KDM5B: variants seen among roughly 807,000 people sequenced by gnomAD.
KDM5B encodes the protein lysine demethylase 5B, also known as lysine-specific demethylase 5B.
Under a neutral mutation model 193.4 loss-of-function variants are expected in KDM5B, and 144 were observed. That is an observed-to-expected ratio of 0.74 (90% confidence interval 0.65 to 0.86). The LOEUF is 0.86. Among genes scored for constraint, KDM5B ranks in the 40% least tolerant of loss-of-function variants. KDM5B has a pLI of 0.00. For missense variants in KDM5B, 1,833 were observed against 1,886.9 expected (o/e 0.97, Z 0.53); for synonymous variants, 668 against 682.6 (o/e 0.98, Z 0.33).
intron 23 of KDM5B, 58 bp downstream of exon 23, chr1:202,733,343 G>A: frequency 1.3e-6 from 2 of 1,559,986 alleles, no homozygotes; most frequent in Non-Finnish European, 1.7e-6. Context: ...ACAGGTTCGA[G>A]AGAAAGGTAC....
chr1:202,778,574 A>G (rs1199290317), intron 1 of KDM5B, among the ~76,000 whole-genome samples: 1 of 152,182 alleles, frequency 6.6e-6, no homozygotes, highest in African/African-American at 2.4e-5. Context: ...AAAAAAGCAA[A>G]AAAGGAAAAA....
At chr1:202,748,921 C>A in intron 14 of KDM5B, 24 bp downstream of exon 14, 1 of 1,569,942 alleles carries the variant, frequency 6.4e-7, no homozygotes, top group Non-Finnish European at 8.7e-7. Flanking sequence ...TGACAACATG[C>A]AGTTGGATTT....
chr1:202,783,037 G>C (rs1657260829), intron 1 of KDM5B, among the ~76,000 whole-genome samples: 1 of 152,158 alleles, frequency 6.6e-6, no homozygotes, highest in South Asian at 2.1e-4. Context: ...CCTGATGTCA[G>C]GAGTTTGAAT....
At chr1:202,767,416 A>C in intron 4 of KDM5B, 1 of 1,392,774 alleles carries the variant, frequency 7.2e-7, no homozygotes, top group Non-Finnish European at 1.0e-6. Flanking sequence ...GCTCTAGCCC[A>C]ACATAGCGCT....
intron 11 of KDM5B, 119 bp downstream of exon 11, chr1:202,755,152 C>T: frequency 1.4e-6 from 1 of 702,462 alleles, no homozygotes; most frequent in South Asian, 2.2e-5. Flanking sequence ...AGTGAAAAAC[C>T]TTAGGGAAAA....
chr1:202,783,741 C>A (rs1367663699), intron 1 of KDM5B, among the ~76,000 whole-genome samples: 1 of 151,928 alleles, frequency 6.6e-6, no homozygotes, highest in African/African-American at 2.4e-5. Context: ...ATTAGCCAGG[C>A]GTGGTGGCGG....
chr1:202,749,313 A>G (rs1156279481), intron 13 of KDM5B, among the ~76,000 whole-genome samples, 174 bp from the exon 14 acceptor site: 1 of 152,166 alleles, frequency 6.6e-6, no homozygotes, highest in Admixed American at 6.6e-5. Context: ...CTGTAATTCC[A>G]ACACTTTGGG....
chr1:202,794,642 T>C (rs1459514645), intron 1 of KDM5B, among the ~76,000 whole-genome samples: 1 of 152,148 alleles, frequency 6.6e-6, no homozygotes, highest in African/African-American at 2.4e-5. Context: ...TTGGGGAGTG[T>C]CTTAATACAT....
At chr1:202,747,768 A>T (rs1033658881) in intron 14 of KDM5B, among the ~76,000 whole-genome samples, 5 of 152,164 alleles carry the variant, frequency 3.3e-5, no homozygotes, top group African/African-American at 1.2e-4. Flanking sequence ...AATAGTGCCA[A>T]AAAACATGCA....
At position 202,755,275 on chromosome 1, in the gene KDM5B, G is replaced by A; in HGVS notation, c.1534C>T (p.His512Tyr). ...DHWSYSINYL[H>Y]WGEPKTWYGV... ...GTTCTTTTTGGAACTTCTCACCAGT[G>A]CAAGTAGTTAATTGAATAGCTCCAG... The change falls in exon 11 of 27, where the codon CAC becomes TAC. Residue 512 changes from histidine (H) to tyrosine (Y), a missense_variant. By Grantham distance (83) the His-to-Tyr change is moderately conservative. This residue lies in a region of KDM5B where 1,379 missense variants were observed against 1,349.6 expected (regional missense o/e 1.02). Coordinates refer to ENST00000367265, the MANE Select transcript of KDM5B (RefSeq NM_006618.5). The A allele has an allele frequency of 6.2e-7, 1 of 1,613,532 alleles. No individual in the cohort carries two copies. The highest frequency in any genetic ancestry group is 8.5e-7 in the Non-Finnish European group (1 of 1,179,474).
At chr1:202,755,171 C>T in intron 11 of KDM5B, 100 bp downstream of exon 11, 1 of 849,994 alleles carries the variant, frequency 1.2e-6, no homozygotes, top group Non-Finnish European at 1.9e-6. Flanking sequence ...AAAAGTAGTT[C>T]AATGCTCTTC....
chr1:202,789,363 A>G (rs2102326906), intron 1 of KDM5B, among the ~76,000 whole-genome samples: 1 of 151,758 alleles, frequency 6.6e-6, no homozygotes, highest in Admixed American at 6.6e-5. Flanking sequence ...TCTACTGAAA[A>G]TACAAAAACT....
chr1:202,742,724 A>G lies in KDM5B; in HGVS notation c.2405T>C (p.Leu802Pro). 6.2e-7 allele frequency: 1 copy of G among 1,614,194 alleles called. No individual in the cohort carries two copies. Among genetic ancestry groups the G allele is most frequent in the Non-Finnish European group, 8.5e-7 (1 of 1,179,992 alleles). ...PDNDLLRHLR[L>P]VTQDAEKCAS... Reference sequence around the variant, plus strand: ...ACACTTCTCTGCATCCTGTGTGACTAGGCGAAGGTGTCGCAAAAGATCATT... The same window carrying G: ...ACACTTCTCTGCATCCTGTGTGACTGGGCGAAGGTGTCGCAAAAGATCATT... Residue 802 changes from leucine (L) to proline (P), a missense_variant, in exon 17 of 27, where the codon CTA becomes CCA. Coordinates refer to ENST00000367265, the MANE Select transcript of KDM5B (RefSeq NM_006618.5).
At chr1:202,797,219 C>T (rs1657886539) in intron 1 of KDM5B, 1 of 152,120 alleles carries the variant, frequency 6.6e-6, no homozygotes, top group African/African-American at 2.4e-5. Context: ...GTGCAACAGC[C>T]CCAGGGGTCC....
chr1:202,771,018 A>G (rs1387656958), intron 4 of KDM5B, among the ~76,000 whole-genome samples: 1 of 152,178 alleles, frequency 6.6e-6, no homozygotes, highest in East Asian at 1.9e-4. Context: ...CTTTTTAAGT[A>G]TATAAGTGAC....
At position 202,741,603 on chromosome 1, in the gene KDM5B, T is replaced by C; in HGVS notation, c.2709A>G (p.Glu903=). Reference sequence around the variant, plus strand: ...TACGCATCTCAGCAAGCTGTGGAAGTTCAACATCAAATTCAAAGCTGACAT... The same window carrying C: ...TACGCATCTCAGCAAGCTGTGGAAGCTCAACATCAAATTCAAAGCTGACAT... ...LLDVSFEFDV[E]LPQLAEMRIR... Residue 903 remains glutamate (E), a synonymous_variant, in exon 19 of 27, where the codon GAA becomes GAG. Coordinates refer to ENST00000367265, the MANE Select transcript of KDM5B (RefSeq NM_006618.5). 1 of 1,614,218 alleles carries C rather than the reference T, an allele frequency of 6.2e-7. No homozygotes were observed. The highest frequency in any genetic ancestry group is 8.5e-7 in the Non-Finnish European group (1 of 1,180,038).
At chr1:202,754,073 T>C (rs1456342986) in intron 11 of KDM5B, among the ~76,000 whole-genome samples, 2 of 152,250 alleles carry the variant, frequency 1.3e-5, no homozygotes, top group Non-Finnish European at 2.9e-5. Context: ...CATTTTTCTT[T>C]TCCCTTGCCC....
chr1:202,735,424 C>T lies in KDM5B; in HGVS notation c.3423+5G>A. The T allele has an allele frequency of 1.2e-6, 2 of 1,610,976 alleles. No individual in the cohort carries two copies. Among genetic ancestry groups the T allele is most frequent in the Non-Finnish European group, 1.7e-6 (2 of 1,178,910 alleles). On this transcript the variant is annotated splice_donor_5th_base_variant and intron_variant, in intron 22 of 26. Coordinates refer to ENST00000367265, the MANE Select transcript of KDM5B (RefSeq NM_006618.5). ...TAGAAAGGAGAAGAAAAAAACCCTACATACAGCTGAAGCAGTCTCCTTGCT... is the reference window on the plus strand; with the variant it reads ...TAGAAAGGAGAAGAAAAAAACCCTATATACAGCTGAAGCAGTCTCCTTGCT...
intron 21 of KDM5B, 122 bp from the exon 22 acceptor site, chr1:202,735,709 T>C (rs1489681149): frequency 1.1e-5 from 10 of 872,002 alleles, no homozygotes; most frequent in Non-Finnish European, 1.6e-5. Flanking sequence ...TTGAAGATTT[T>C]CTTTGGAACA....
Sources: allele counts gnomAD v4.1 joint callset (sites outside exome capture counted in the v4.1 genomes callset), GRCh38; gene constraint gnomAD v4.1.1; regional missense constraint gnomAD v4.1.1; transcripts MANE v1.5; gene names NCBI Gene and HGNC (gene_info 2026-07-23, HGNC 2026-07-21).